INSC: variants seen among roughly 807,000 people sequenced by gnomAD.
INSC encodes INSC spindle orientation adaptor protein, also known as protein inscuteable homolog.
Under a neutral mutation model 58.6 loss-of-function variants are expected in INSC, and 67 were observed. The ratio of observed to expected loss-of-function variants is 1.14; its 90% CI spans 0.94 to 1.40. The LOEUF is 1.40. Ranked by LOEUF, INSC falls within the 40% of genes most tolerant of loss-of-function variation. INSC has a pLI of 0.00. For missense variants in INSC, 714 were observed against 692.0 expected (o/e 1.03, Z -0.36); for synonymous variants, 262 against 276.1 (o/e 0.95, Z 0.51).
chr11:15,185,083 T>G (rs1002565091), intron 5 of INSC, among the ~76,000 whole-genome samples: 1 of 152,220 alleles, frequency 6.6e-6, no homozygotes, highest in Non-Finnish European at 1.5e-5. Context: ...AAAGATTGGG[T>G]AACAAATGAT....
intron 7 of INSC, among the ~76,000 whole-genome samples, chr11:15,216,656 TA>T (rs529843569): frequency 2.0e-5 from 3 of 152,246 alleles, no homozygotes; most frequent in Non-Finnish European, 4.4e-5. Context: ...ACTCCCATTT[TA>T]AAAGTCCTGG....
chr11:15,224,441 TG>T (rs1851554838), intron 8 of INSC, among the ~76,000 whole-genome samples: 1 of 152,242 alleles, frequency 6.6e-6, no homozygotes. Flanking sequence ...CTTCAGAACC[TG>T]GAAGTATAGA....
chr11:15,149,851 C>T (rs1252481751), intron 2 of INSC, among the ~76,000 whole-genome samples: 1 of 152,182 alleles, frequency 6.6e-6, no homozygotes, highest in African/African-American at 2.4e-5. Flanking sequence ...CTCTCTCCCA[C>T]TTGCAACCTC....
upstream of INSC, among the ~76,000 whole-genome samples, chr11:15,112,926 A>G (rs1359379181): frequency 6.6e-6 from 1 of 152,138 alleles, no homozygotes; most frequent in Admixed American, 6.5e-5. Context: ...CCCAATGTAC[A>G]TATGGGAAAA....
At chr11:15,164,512 G>T (rs1176526451) in intron 2 of INSC, among the ~76,000 whole-genome samples, 1 of 152,124 alleles carries the variant, frequency 6.6e-6, no homozygotes, top group African/African-American at 2.4e-5. Flanking sequence ...TTGTGGTAGA[G>T]ATTCCTGGTG....
intron 2 of INSC, among the ~76,000 whole-genome samples, chr11:15,167,501 C>T (rs1051436894): frequency 6.6e-6 from 1 of 152,008 alleles, no homozygotes; most frequent in Non-Finnish European, 1.5e-5. Flanking sequence ...CACTTTGTCA[C>T]CCAGACTGTA....
At chr11:15,182,601 A>T (rs1478174775) in intron 5 of INSC, among the ~76,000 whole-genome samples, 3 of 152,186 alleles carry the variant, frequency 2.0e-5, no homozygotes, top group Non-Finnish European at 4.4e-5. Context: ...TATTCAAAAC[A>T]TCTTAATTTT....
At chr11:15,178,219 C>T (rs1331541285) in intron 4 of INSC, 105 bp from the exon 5 acceptor site, 1 of 1,462,422 alleles carries the variant, frequency 6.8e-7, no homozygotes. Context: ...CCAATGTCTT[C>T]AGCACACACC....
At chr11:15,146,416 T>C (rs1274822199) in intron 1 of INSC, among the ~76,000 whole-genome samples, 1 of 152,190 alleles carries the variant, frequency 6.6e-6, no homozygotes, top group Non-Finnish European at 1.5e-5. Context: ...AGTCTGTGAA[T>C]AGGGCAGTGA....
At chr11:15,140,080 A>G (rs573416097) in intron 1 of INSC, among the ~76,000 whole-genome samples, 13 of 152,254 alleles carry the variant, frequency 8.5e-5, no homozygotes, top group African/African-American at 3.1e-4. Flanking sequence ...TGAGATGGCC[A>G]CACAAGCTCC....
intron 2 of INSC, among the ~76,000 whole-genome samples, chr11:15,162,596 G>T (rs1291026709): frequency 6.6e-6 from 1 of 152,072 alleles, no homozygotes; most frequent in Non-Finnish European, 1.5e-5. Flanking sequence ...ATTGTTGTCT[G>T]TCTTCCCCTG....
At chr11:15,196,764 A>C (rs1284638792) in intron 6 of INSC, among the ~76,000 whole-genome samples, 3 of 152,210 alleles carry the variant, frequency 2.0e-5, no homozygotes, top group Admixed American at 6.5e-5. Context: ...TATACAAATA[A>C]CATATTTTAA....
chr11:15,167,023 A>G (rs747092975), intron 2 of INSC, among the ~76,000 whole-genome samples: 1 of 152,086 alleles, frequency 6.6e-6, no homozygotes, highest in Non-Finnish European at 1.5e-5. Context: ...AGGTTCAATA[A>G]AAGTTATTAT....
chr11:15,154,799 G>C (rs966446355), intron 2 of INSC, among the ~76,000 whole-genome samples: 3 of 131,690 alleles, frequency 2.3e-5, no homozygotes, highest in Non-Finnish European at 5.2e-5. Flanking sequence ...GAATGCTTTT[G>C]TCCCTTTTTT....
rs560142200 is a variant in INSC at position 15,154,826 on chromosome 11, C to G, written c.56+5596C>G. On this transcript the variant is annotated intron_variant, in intron 2 of 12. Transcript: ENST00000379556. ...CCCTTTTTTTTTGGACAAAAATAAC[C>G]CATGTTAGTGCCACAGGGATAGGAA... Among the ~76,000 whole-genome samples the G allele has an allele frequency of 5.9e-5, 9 of 152,160 alleles. No homozygotes were observed. In the South Asian group the frequency reaches 1.9e-3, roughly 32 times the overall value.
chr11:15,189,787 G>C (rs1850098475), intron 5 of INSC, among the ~76,000 whole-genome samples: 1 of 152,136 alleles, frequency 6.6e-6, no homozygotes, highest in Non-Finnish European at 1.5e-5. Flanking sequence ...ATTCTTTCTA[G>C]AAGAAAACTT....
intron 7 of INSC, among the ~76,000 whole-genome samples, chr11:15,202,629 G>A (rs1186437021): frequency 6.6e-6 from 1 of 152,156 alleles, no homozygotes; most frequent in Non-Finnish European, 1.5e-5. Flanking sequence ...ACCAAATGGG[G>A]TTTGTTTCTC....
At position 15,221,507 on chromosome 11, in the gene INSC, C is replaced by G. The variant is rs756008601; in HGVS notation, c.850C>G (p.Leu284Val). ...TGGCGTTCTGTGCTTGGCCGACATC[C>G]TGACCGACAACAGCCACTCAGAGGC... ...VDGVLCLADI[L>V]TDNSHSEATR... The change falls in exon 8 of 13, where the codon CTG becomes GTG. Residue 284 changes from leucine (L) to valine (V), a missense_variant. Coordinates refer to ENST00000379556, the MANE Select transcript of INSC (RefSeq NM_001042536.3). 6.2e-7 allele frequency: 1 copy of G among 1,613,214 alleles called. No individual in the cohort carries two copies. Among genetic ancestry groups the G allele is most frequent in the East Asian group, 2.2e-5 (1 of 44,852 alleles).
chr11:15,267,479 C>A, the INSC span, among the ~76,000 whole-genome samples: 1 of 151,666 alleles, frequency 6.6e-6, no homozygotes, highest in African/African-American at 2.4e-5. Flanking sequence ...ATTGCTATGT[C>A]TTCAGGTTCA....
Sources: allele counts gnomAD v4.1 joint callset (sites outside exome capture counted in the v4.1 genomes callset), GRCh38; gene constraint gnomAD v4.1.1; transcripts MANE v1.5; gene names NCBI Gene and HGNC (gene_info 2026-07-23, HGNC 2026-07-21).